The following GSG1L variants were observed in gnomAD, a reference collection of about 807,000 sequenced individuals.
GSG1L encodes GSG1 like.
In GSG1L, 24 loss-of-function variants were observed where a neutral mutation model predicts 42.1. The observed-to-expected ratio is 0.57, with a 90% CI of 0.41 to 0.80. The LOEUF is 0.80. Ranked by LOEUF, GSG1L falls within the 30% of genes least tolerant of loss-of-function variation. GSG1L has a pLI of 0.00. For synonymous variants in GSG1L, 215 were observed against 203.5 expected (o/e 1.06, Z -0.48); for missense variants, 445 against 472.2 (o/e 0.94, Z 0.53).
intron 2 of GSG1L, among the ~76,000 whole-genome samples, chr16:27,962,497 A>G (rs1425854046): frequency 6.6e-6 from 1 of 152,234 alleles, no homozygotes; most frequent in African/African-American, 2.4e-5. Flanking sequence ...GAGCCACCTT[A>G]GATTGTCTAC....
chr16:27,842,949 G>A (rs771166864), intron 4 of GSG1L, among the ~76,000 whole-genome samples: 9 of 151,198 alleles, frequency 6.0e-5, no homozygotes, highest in Non-Finnish European at 1.3e-4. Context: ...AGCTGTGTCA[G>A]TCAATGCCCT....
At position 28,057,136 on chromosome 16, in the gene GSG1L, T is replaced by A. The variant is rs150886861; in HGVS notation, c.349+5940A>T. 1.3e-3 allele frequency among the ~76,000 whole-genome samples: 203 copies of A among 152,214 alleles called. 2 individuals are homozygous for A. In the East Asian group the frequency reaches 0.019, roughly 14 times the overall value. The stretch of plus-strand genomic sequence containing the variant: ...GCAGCAGAGAAGACTGCAGACTTCC[T>A]GGCAGTCCTTGGAAGGCATTCGACT... On this transcript the variant is annotated intron_variant, in intron 1 of 6. Transcript: ENST00000447459.
intron 2 of GSG1L, among the ~76,000 whole-genome samples, chr16:27,908,748 A>C (rs1336418666): frequency 6.6e-6 from 1 of 152,170 alleles, no homozygotes; most frequent in Admixed American, 6.5e-5. Context: ...CAAAGGCCAA[A>C]ACTCTAACAC....
chr16:28,049,459 T>C (rs1045753636), intron 1 of GSG1L, among the ~76,000 whole-genome samples: 3 of 151,328 alleles, frequency 2.0e-5, no homozygotes, highest in Non-Finnish European at 4.4e-5. Flanking sequence ...GGCAGGAGGA[T>C]CACTTGAGCC....
rs1347118286 is a variant in GSG1L at position 27,868,591 on chromosome 16, C to A, written c.550+15895G>T. On this transcript the variant is annotated intron_variant, in intron 3 of 6. Transcript: ENST00000447459. ...TCGAACCTGCAGATGTTGGCAAGAG[C>A]TGTAAAAAAAAAAAAAGATGATATT... 9.3e-5 allele frequency among the ~76,000 whole-genome samples: 13 copies of A among 139,512 alleles called. No homozygotes were observed. In the East Asian group the frequency reaches 3.0e-3, roughly 32 times the overall value. 91.5% of individuals were successfully genotyped at this position (139,512 alleles called of 152,430 possible).
At chr16:28,015,480 G>A (rs2085770241) in intron 1 of GSG1L, among the ~76,000 whole-genome samples, 1 of 152,234 alleles carries the variant, frequency 6.6e-6, no homozygotes, top group African/African-American at 2.4e-5. Flanking sequence ...ACTCTGGCCT[G>A]GATGACAGAG....
chr16:28,057,055 G>A (rs758707629), intron 1 of GSG1L, among the ~76,000 whole-genome samples: 9 of 152,100 alleles, frequency 5.9e-5, no homozygotes, highest in Non-Finnish European at 1.2e-4. Context: ...TAAGGAGGCC[G>A]GTGTGGCTGA....
chr16:27,838,718 T>C (rs1279356734), intron 4 of GSG1L, among the ~76,000 whole-genome samples: 1 of 152,114 alleles, frequency 6.6e-6, no homozygotes, highest in African/African-American at 2.4e-5. Context: ...AGATTCACCA[T>C]GTGGGGCACG....
chr16:27,967,365 C>T (rs555994797), intron 1 of GSG1L, among the ~76,000 whole-genome samples: 1 of 152,320 alleles, frequency 6.6e-6, no homozygotes. Flanking sequence ...TGCTTCCTCT[C>T]TTATTTATGT....
intron 3 of GSG1L, 73 bp from the exon 4 acceptor site, chr16:27,845,134 C>T: frequency 1.0e-6 from 1 of 977,584 alleles, no homozygotes; most frequent in Non-Finnish European, 1.6e-6. Flanking sequence ...CACAGCCTCT[C>T]TGCTGCCTGC....
chr16:28,049,699 A>G (rs972832936), intron 1 of GSG1L, among the ~76,000 whole-genome samples: 27 of 151,904 alleles, frequency 1.8e-4, no homozygotes, highest in Non-Finnish European at 2.9e-4. Flanking sequence ...AAAAAAAAAA[A>G]AAGAAGAAGA....
chr16:27,893,711 C>T (rs1175942053), intron 2 of GSG1L, among the ~76,000 whole-genome samples: 2 of 152,090 alleles, frequency 1.3e-5, no homozygotes, highest in African/African-American at 4.8e-5. Context: ...TCCCGAGTAG[C>T]TGGGACTACA....
At chr16:27,915,901 C>T (rs544536028) in intron 2 of GSG1L, among the ~76,000 whole-genome samples, 93 of 152,252 alleles carry the variant, frequency 6.1e-4, no homozygotes, top group African/African-American at 1.8e-3. Context: ...TGCCACTTAC[C>T]GGGTGGGGCC....
chr16:27,963,356 C>T (rs567595914), intron 1 of GSG1L, among the ~76,000 whole-genome samples, 153 bp from the exon 2 acceptor site: 45 of 152,282 alleles, frequency 3.0e-4, no homozygotes, highest in African/African-American at 9.9e-4. Context: ...AGAAGCCCAA[C>T]ATCCCAGGAG....
At chr16:28,051,272 A>C (rs1449239159) in intron 1 of GSG1L, among the ~76,000 whole-genome samples, 2 of 152,220 alleles carry the variant, frequency 1.3e-5, no homozygotes, top group East Asian at 1.9e-4. Flanking sequence ...CAGAACCTTA[A>C]GGGATAGACA....
rs78866330 is a variant in GSG1L at position 28,049,515 on chromosome 16, T to TA, written c.349+13560dup. Among the ~76,000 whole-genome samples, 1,043 of 134,112 alleles carry TA rather than the reference T, an allele frequency of 7.8e-3. 37 individuals carry two copies. In the South Asian group the frequency reaches 0.12, roughly 15 times the overall value. The allele number at this position is 134,112 out of a possible 152,430, so 88.0% of individuals were successfully genotyped here. On this transcript the variant is annotated intron_variant, in intron 1 of 6. Transcript: ENST00000447459. ...GAGCAACATAGCAAGACCCCACCTC[T>TA]AAAAAAAAAAAAAAATTAAAAATTA...
chr16:28,007,150 G>T (rs1165966216), intron 1 of GSG1L, among the ~76,000 whole-genome samples: 2 of 152,106 alleles, frequency 1.3e-5, no homozygotes, highest in East Asian at 3.9e-4. Context: ...CTGGCAAAAG[G>T]GACTCTGCTG....
intron 6 of GSG1L, among the ~76,000 whole-genome samples, chr16:27,795,096 T>C (rs1171285306): frequency 5.3e-5 from 8 of 152,116 alleles, no homozygotes; most frequent in African/African-American, 1.9e-4. Context: ...GACAGCTTTA[T>C]GAGCAGGGCC....
chr16:27,792,629 A>G (rs949834935), intron 6 of GSG1L, among the ~76,000 whole-genome samples: 3 of 152,076 alleles, frequency 2.0e-5, no homozygotes, highest in African/African-American at 7.2e-5. Flanking sequence ...CCTGGCACTC[A>G]GGGATCTCCC....
Sources: allele counts gnomAD v4.1 joint callset (sites outside exome capture counted in the v4.1 genomes callset), GRCh38; gene constraint gnomAD v4.1.1; transcripts MANE v1.5; gene names NCBI Gene and HGNC (gene_info 2026-07-23, HGNC 2026-07-21).